Variants in CSDE1 observed in about 807,000 individuals in gnomAD.
CSDE1 encodes the protein cold shock domain containing E1, also known as cold shock domain-containing protein E1.
CSDE1 carries 17 observed loss-of-function variants against 89.3 expected under a neutral mutation model. The ratio of observed to expected loss-of-function variants is 0.19; its 90% CI spans 0.13 to 0.29. CSDE1 has a LOEUF of 0.29. CSDE1 is among the 10% of genes least tolerant of loss of function. The pLI, the probability that CSDE1 is intolerant of heterozygous loss-of-function variation, is 1.00. For missense variants in CSDE1, 672 were observed against 984.2 expected (o/e 0.68, Z 4.24); for synonymous variants, 322 against 332.8 (o/e 0.97, Z 0.35).
rs528106943 is a variant in CSDE1 at position 114,756,870 on chromosome 1, G to T, written c.-388+1055C>A. On this transcript the variant is annotated intron_variant, in intron 1 of 19. Transcript: ENST00000358528. ...AGTTAAGCAAGACGGCCGCCATCTG[G>T]GTGTTTCTAAGGGAAAACCTTAAAG... 3.3e-5 allele frequency: 5 copies of T among 152,336 alleles called. No homozygotes were observed. The East Asian group carries it at 9.6e-4, about 29-fold the overall frequency. 9.4% of individuals were successfully genotyped at this position (152,336 alleles called of 1,614,324 possible).
chr1:114,739,541 G>A (rs1002940322), intron 3 of CSDE1, 151 bp downstream of exon 3: 21 of 637,014 alleles, frequency 3.3e-5, no homozygotes, highest in African/African-American at 3.3e-4. Flanking sequence ...GGATTCTGCT[G>A]GTTTATACAG....
intron 1 of CSDE1, among the ~76,000 whole-genome samples, chr1:114,752,946 TAC>T (rs1418444163): frequency 6.6e-6 from 1 of 152,208 alleles, no homozygotes; most frequent in Admixed American, 6.5e-5. Context: ...TGCTGCCATA[TAC>T]AACCAAAGGA....
chr1:114,749,193 G>C (rs550803820), intron 2 of CSDE1, among the ~76,000 whole-genome samples: 2 of 152,148 alleles, frequency 1.3e-5, no homozygotes, highest in South Asian at 4.2e-4. Context: ...ACCTCCAAGG[G>C]AACAGCTTCA....
chr1:114,732,916 T>C (rs1412473337), intron 9 of CSDE1, 100 bp from the exon 10 acceptor site: 1 of 1,046,984 alleles, frequency 9.6e-7, no homozygotes, highest in African/African-American at 1.6e-5. Flanking sequence ...TATTTTTAAC[T>C]TAGTTCCCTG....
intron 1 of CSDE1, among the ~76,000 whole-genome samples, chr1:114,754,658 G>T (rs1661494108): frequency 6.6e-6 from 1 of 152,194 alleles, no homozygotes; most frequent in African/African-American, 2.4e-5. Flanking sequence ...GTGCTTAATA[G>T]GTCTTAATTC....
At chr1:114,757,790 G>A (rs942528970) in intron 1 of CSDE1, 135 bp downstream of exon 1, 1 of 152,800 alleles carries the variant, frequency 6.5e-6, no homozygotes, top group African/African-American at 2.4e-5. Context: ...CAGGGAATCG[G>A]GGTGCATTCT....
At position 114,737,462 on chromosome 1, in the gene CSDE1, C is replaced by T; in HGVS notation, c.402+9G>A. ...CAGGCAAAGGTTTAAGAAAAATACA[C>T]AAGTTTACCCCATTACGTTCGTAGC... On this transcript the variant is annotated intron_variant, in intron 5 of 19. Transcript: ENST00000358528. 1.2e-6 allele frequency: 2 copies of T among 1,605,590 alleles called. 1 individual carries two copies. Among genetic ancestry groups the T allele is most frequent in the Non-Finnish European group, 1.7e-6 (2 of 1,172,882 alleles).
intron 2 of CSDE1, among the ~76,000 whole-genome samples, chr1:114,741,938 T>C (rs563265748): frequency 3.3e-5 from 5 of 152,352 alleles, no homozygotes; most frequent in African/African-American, 1.2e-4. Context: ...CCAATTTCTT[T>C]TCAATGCCGA....
chr1:114,743,035 C>T, intron 2 of CSDE1, among the ~76,000 whole-genome samples: 1 of 152,200 alleles, frequency 6.6e-6, no homozygotes, highest in East Asian at 1.9e-4. Flanking sequence ...ATACACATAT[C>T]GAAAATACAT....
At position 114,746,187 on chromosome 1, in the gene CSDE1, T is replaced by G. The variant is rs774735831; in HGVS notation, c.-1+3634A>C. On this transcript the variant is annotated intron_variant, in intron 2 of 19. Transcript: ENST00000358528. ...TGAACACAACCATTTTTAACACTAA[T>G]TGCTGTCTTCTGGATAGGTTCTAAG... Among the ~76,000 whole-genome samples the G allele has an allele frequency of 4.3e-4, 66 of 152,218 alleles. 1 individual carries two copies. The highest frequency in any genetic ancestry group is 4.9e-4 in the Non-Finnish European group (33 of 68,030).
chr1:114,722,736 A>T (rs146144590), intron 16 of CSDE1, among the ~76,000 whole-genome samples: 3 of 152,214 alleles, frequency 2.0e-5, no homozygotes, highest in African/African-American at 7.2e-5. Context: ...ATTTGATATC[A>T]TATTATGAGT....
At chr1:114,731,697 A>G (rs2101036594) in intron 10 of CSDE1, among the ~76,000 whole-genome samples, 1 of 152,366 alleles carries the variant, frequency 6.6e-6, no homozygotes, top group Admixed American at 6.5e-5. Context: ...AAGTTCTGCC[A>G]AAACAAAACC....
At chr1:114,735,638 T>G (rs982751454) in intron 6 of CSDE1, among the ~76,000 whole-genome samples, 2 of 152,184 alleles carry the variant, frequency 1.3e-5, no homozygotes, top group African/African-American at 4.8e-5. Context: ...AAGAAAGAGA[T>G]AAGGTTCAAG....
intron 6 of CSDE1, among the ~76,000 whole-genome samples, chr1:114,734,980 G>A (rs1660318378): frequency 6.6e-6 from 1 of 152,190 alleles, no homozygotes; most frequent in African/African-American, 2.4e-5. Context: ...GAGATAAATA[G>A]GAGATGGTCT....
At chr1:114,741,401 G>GA (rs1474716100) in intron 2 of CSDE1, 8 of 893,936 alleles carry the variant, frequency 8.9e-6, no homozygotes, top group Admixed American at 3.2e-5. Flanking sequence ...GAGTGAAGGT[G>GA]AAAAAAATGA....
chr1:114,757,844 C>G (rs566629479), intron 1 of CSDE1, 81 bp downstream of exon 1: 2 of 152,850 alleles, frequency 1.3e-5, no homozygotes, highest in South Asian at 4.1e-4. Flanking sequence ...ACTCAGAAGG[C>G]TTCTCGTTAG....
Position 114,736,832 on chromosome 1 carries a change from G to A in CSDE1, c.426C>T (p.Thr142=). 6.2e-7 allele frequency: 1 copy of A among 1,611,664 alleles called. No individual in the cohort carries two copies. Among genetic ancestry groups the A allele is most frequent in the Non-Finnish European group, 8.5e-7 (1 of 1,178,768 alleles). ...RNGEVFYLTY[T]PEDVEGNVQL... The stretch of plus-strand genomic sequence containing the variant: ...GAACGTTCCCTTCGACATCTTCAGG[G>A]GTGTAAGTCAGATAAAACACTTCCT... Residue 142 remains threonine, a synonymous_variant, in exon 6 of 20, where the codon ACC becomes ACT. Transcript: ENST00000358528.
At position 114,719,777 on chromosome 1, in the gene CSDE1, T is replaced by C. The variant is rs185380917; in HGVS notation, c.2053-35A>G. The stretch of plus-strand genomic sequence containing the variant: ...AAAAGTAGGTAAAAAAGAGAGGGCA[T>C]GCCACACCTCACTCTGAATGAAGCA... On this transcript the variant is annotated intron_variant, in intron 17 of 19. Coordinates refer to ENST00000358528, the MANE Select transcript of CSDE1 (RefSeq NM_001007553.3). The C allele has an allele frequency of 1.2e-4, 194 of 1,590,474 alleles. No homozygotes were observed. The African/African-American group carries it at 2.3e-3, about 19-fold the overall frequency.
At chr1:114,726,698 T>A (rs1659818837) in intron 13 of CSDE1, among the ~76,000 whole-genome samples, 1 of 152,214 alleles carries the variant, frequency 6.6e-6, no homozygotes, top group Non-Finnish European at 1.5e-5. Flanking sequence ...GCTTTTACTT[T>A]GATAATGTTT....
Sources: allele counts gnomAD v4.1 joint callset (sites outside exome capture counted in the v4.1 genomes callset), GRCh38; gene constraint gnomAD v4.1.1; transcripts MANE v1.5; gene names NCBI Gene and HGNC (gene_info 2026-07-23, HGNC 2026-07-21).